The following SOS2 variants were observed in gnomAD, a reference collection of about 807,000 sequenced individuals.
SOS2 encodes the protein son of sevenless homolog 2.
In SOS2, 65 loss-of-function variants were observed where a neutral mutation model predicts 148.2. The observed-to-expected ratio is 0.44, with a 90% CI of 0.36 to 0.54. The LOEUF is 0.54. SOS2 is among the 20% of genes least tolerant of loss of function. The pLI, the probability that SOS2 is intolerant of heterozygous loss-of-function variation, is 0.00. For synonymous variants in SOS2, 539 were observed against 537.1 expected, an observed-to-expected ratio of 1.00 and a Z score of -0.05; for missense variants, 1,341 against 1,590.2, an observed-to-expected ratio of 0.84 and a Z score of 2.67.
chr14:50,198,055 G>A (rs1886370083), intron 4 of SOS2, among the ~76,000 whole-genome samples: 1 of 148,376 alleles, frequency 6.7e-6, no homozygotes, highest in South Asian at 2.1e-4. Context: ...CCAGACTGAA[G>A]ACGATAAAAA....
chr14:50,212,573 G>A (rs1383486945), intron 1 of SOS2, among the ~76,000 whole-genome samples: 2 of 152,212 alleles, frequency 1.3e-5, no homozygotes, highest in African/African-American at 2.4e-5. Flanking sequence ...TCTTACCTGA[G>A]TGTTAAATAG....
intron 16 of SOS2, among the ~76,000 whole-genome samples, chr14:50,141,203 CAAAAAAAAAAAAAAAA>C (rs71118844): frequency 3.3e-5 from 1 of 30,582 alleles, no homozygotes; most frequent in East Asian, 1.2e-3. Context: ...GACTCTGTCT[CAAAAAAAAAAAAAAAA>C]AAAAAAAAAA....
intron 16 of SOS2, among the ~76,000 whole-genome samples, chr14:50,140,834 A>G (rs1594966465): frequency 6.6e-6 from 1 of 152,186 alleles, no homozygotes; most frequent in Non-Finnish European, 1.5e-5. Context: ...AGAATCAGCA[A>G]TGCTGCTATA....
chr14:50,120,082 C>T (rs1010379939), intron 22 of SOS2, among the ~76,000 whole-genome samples, 193 bp downstream of exon 22: 3 of 152,094 alleles, frequency 2.0e-5, no homozygotes, highest in Admixed American at 1.3e-4. Flanking sequence ...CCACTGCGCC[C>T]GGCCCAGCCT....
chr14:50,181,003 G>A (rs1326393906), intron 6 of SOS2, among the ~76,000 whole-genome samples: 1 of 152,096 alleles, frequency 6.6e-6, no homozygotes, highest in African/African-American at 2.4e-5. Context: ...AGGTAATACC[G>A]AGTTAGTGAA....
rs894383427 is a variant in SOS2, at chr14:50,166,617, T to C, written c.1069-5008A>G. ...TTATCCTTAGTTGTCTATAAGTGTA[T>C]CCTGTCTAAGATTTTATATTTCATG... On this transcript the variant is annotated intron_variant, in intron 8 of 22. Transcript: ENST00000216373. 5.9e-5 allele frequency among the ~76,000 whole-genome samples: 9 copies of C among 152,318 alleles called. 1 individual carries two copies. The highest frequency in any genetic ancestry group is 2.2e-4 in the African/African-American group (9 of 41,572).
At chr14:50,186,762 T>C (rs940093272) in intron 5 of SOS2, among the ~76,000 whole-genome samples, 3 of 152,312 alleles carry the variant, frequency 2.0e-5, no homozygotes, top group East Asian at 1.9e-4. Context: ...CTACTTATGA[T>C]AGTATTCCCA....
At chr14:50,220,836 A>G (rs1417125770) in intron 1 of SOS2, among the ~76,000 whole-genome samples, 1 of 152,238 alleles carries the variant, frequency 6.6e-6, no homozygotes, top group Non-Finnish European at 1.5e-5. Flanking sequence ...TTTTGTCATC[A>G]AAGTTTTCTT....
rs115762235 is a variant in SOS2, at chr14:50,213,951, C to T, written c.88-9542G>A. 7.1e-3 allele frequency among the ~76,000 whole-genome samples: 1,064 copies of T among 149,500 alleles called. 13 individuals carry two copies. Among genetic ancestry groups the T allele is most frequent in the African/African-American group, 0.025 (1,003 of 40,854 alleles). ...ATCCTTACCCTCCGTGGTAGGAAGT[C>T]AACAGATAACATCCAAAACAGAAAA... On this transcript the variant is annotated intron_variant, in intron 1 of 22. Transcript: ENST00000216373.
At chr14:50,220,935 C>A (rs1566486404) in intron 1 of SOS2, among the ~76,000 whole-genome samples, 1 of 152,090 alleles carries the variant, frequency 6.6e-6, no homozygotes, top group Non-Finnish European at 1.5e-5. Flanking sequence ...AAAATGGTTC[C>A]CAATTTGTTC....
intron 5 of SOS2, among the ~76,000 whole-genome samples, chr14:50,187,736 T>C (rs1234390804): frequency 6.6e-6 from 1 of 152,234 alleles, no homozygotes; most frequent in Non-Finnish European, 1.5e-5. Context: ...AACTTTTTTG[T>C]TTGTTAAACA....
Position 50,150,188 on chromosome 14 carries a change from A to T in SOS2, c.2204T>A (p.Ile735Asn). 1 of 1,613,400 alleles carries T rather than the reference A, an allele frequency of 6.2e-7. No individual in the cohort carries two copies. Among genetic ancestry groups the T allele is most frequent in the Non-Finnish European group, 8.5e-7 (1 of 1,179,370 alleles). ...TGCCTGAGCTTGCTTCTTCCTCCTGATGATCTTAGCAATTGACTCTACCCA... is the reference window on the plus strand; with the variant it reads ...TGCCTGAGCTTGCTTCTTCCTCCTGTTGATCTTAGCAATTGACTCTACCCA... Reference protein sequence around the residue: ...KKWVESIAKIIRRKKQAQANG... With the variant: ...KKWVESIAKINRRKKQAQANG... Residue 735 changes from isoleucine (I) to asparagine (N), a missense_variant, in exon 14 of 23, where the codon ATC (isoleucine) becomes AAC (asparagine). Transcript: ENST00000216373.
intron 7 of SOS2, among the ~76,000 whole-genome samples, chr14:50,176,043 G>C (rs1202807424): frequency 6.6e-6 from 1 of 152,224 alleles, no homozygotes; most frequent in South Asian, 2.1e-4. Flanking sequence ...CAATGCAACA[G>C]TATTAAGAGA....
chr14:50,166,327 A>G (rs116090255), intron 8 of SOS2, among the ~76,000 whole-genome samples: 1,771 of 152,160 alleles, frequency 0.012, 32 homozygotes, highest in African/African-American at 0.039. Flanking sequence ...GGTTCAAGCG[A>G]TCCTCCTGCC....
intron 21 of SOS2, among the ~76,000 whole-genome samples, chr14:50,123,341 C>T (rs533381903): frequency 4.7e-5 from 7 of 148,680 alleles, no homozygotes; most frequent in Non-Finnish European, 7.4e-5. Context: ...TTAAAGGAAC[C>T]GGCTTTCACT....
intron 16 of SOS2, among the ~76,000 whole-genome samples, chr14:50,143,356 A>G (rs1884357788): frequency 6.6e-6 from 1 of 151,840 alleles, no homozygotes; most frequent in Admixed American, 6.6e-5. Context: ...AATCAACAAA[A>G]TGAAAACACC....
chr14:50,192,777 T>G (rs1886186934), intron 4 of SOS2, among the ~76,000 whole-genome samples: 1 of 151,760 alleles, frequency 6.6e-6, no homozygotes, highest in African/African-American at 2.4e-5. Context: ...GGCAGGAGAA[T>G]GGATTGAACC....
chr14:50,197,129 A>C (rs1392245678), intron 4 of SOS2, among the ~76,000 whole-genome samples: 1 of 152,196 alleles, frequency 6.6e-6, no homozygotes, highest in Non-Finnish European at 1.5e-5. Context: ...CTGGGATTAC[A>C]GGCATGAGCC....
At chr14:50,219,861 G>A (rs530959800) in intron 1 of SOS2, among the ~76,000 whole-genome samples, 2 of 152,044 alleles carry the variant, frequency 1.3e-5, no homozygotes, top group South Asian at 2.1e-4. Flanking sequence ...GGGGGCAGGG[G>A]AGAGGTGTGG....
Sources: allele counts gnomAD v4.1 joint callset (sites outside exome capture counted in the v4.1 genomes callset), GRCh38; gene constraint gnomAD v4.1.1; transcripts MANE v1.5; gene names NCBI Gene and HGNC (gene_info 2026-07-23, HGNC 2026-07-21).